SLC2A13: variants seen among roughly 807,000 people sequenced by gnomAD.
The protein encoded by SLC2A13 is solute carrier family 2 member 13.
Under a neutral mutation model 64.4 loss-of-function variants are expected in SLC2A13, and 32 were observed. The ratio of observed to expected loss-of-function variants is 0.50; its 90% CI spans 0.37 to 0.67. The LOEUF is 0.67. Among genes scored for constraint, SLC2A13 ranks in the 30% least tolerant of loss-of-function variants. The pLI, the probability that SLC2A13 is intolerant of heterozygous loss-of-function variation, is 0.00. For synonymous variants in SLC2A13, 338 were observed against 327.1 expected, an observed-to-expected ratio of 1.03 and a Z score of -0.36; for missense variants, 743 against 829.2, an observed-to-expected ratio of 0.90 and a Z score of 1.28.
intron 7 of SLC2A13, among the ~76,000 whole-genome samples, chr12:39,766,983 G>C (rs561206702): frequency 6.6e-6 from 1 of 152,170 alleles, no homozygotes; most frequent in African/African-American, 2.4e-5. Flanking sequence ...CTTCCAAACT[G>C]TTCATTTGGT....
chr12:39,980,952 A>T (rs1946881710), intron 3 of SLC2A13, among the ~76,000 whole-genome samples: 1 of 152,002 alleles, frequency 6.6e-6, no homozygotes, highest in Non-Finnish European at 1.5e-5. Flanking sequence ...AATGTAAAAG[A>T]ACAGAAATTA....
At position 39,879,992 on chromosome 12, in the gene SLC2A13, G is replaced by C. The variant is rs10437958; in HGVS notation, c.1035-8031C>G. Among the ~76,000 whole-genome samples the C allele has an allele frequency of 7.6e-3, 1,156 of 152,272 alleles. 13 individuals are homozygous for C. Among genetic ancestry groups the C allele is most frequent in the African/African-American group, 0.026 (1,097 of 41,540 alleles). ...ATGGTTTGGTCCTGTCTTAATGATA[G>C]TGAGTTCATACAAGACACAGTCATT... is the stretch of plus-strand genomic sequence containing the variant. On this transcript the variant is annotated intron_variant, in intron 4 of 9. Transcript: ENST00000280871.
rs544279139 is a variant in SLC2A13, at chr12:39,839,514, C to T, written c.1320-9286G>A. 3.3e-5 allele frequency among the ~76,000 whole-genome samples: 5 copies of T among 152,158 alleles called. No homozygotes were observed. In the South Asian group the frequency reaches 1.0e-3, roughly 32 times the overall value. ...TTGCTGGTGGTTGTCTCATGGGTAA[C>T]TCGGAGCACTTTTCCAACATACTAT... On this transcript the variant is annotated intron_variant, in intron 6 of 9. Transcript: ENST00000280871.
At chr12:40,070,193 C>G (rs1232293108) in intron 1 of SLC2A13, among the ~76,000 whole-genome samples, 4 of 150,702 alleles carry the variant, frequency 2.7e-5, no homozygotes, top group East Asian at 1.9e-4. Context: ...TGAAGTGTTT[C>G]TGGCAGAGAC....
chr12:39,866,714 C>G (rs1052218709), intron 5 of SLC2A13, among the ~76,000 whole-genome samples: 6 of 152,138 alleles, frequency 3.9e-5, no homozygotes, highest in Non-Finnish European at 8.8e-5. Context: ...CTCCTGACCT[C>G]GTGATCCGCC....
intron 4 of SLC2A13, among the ~76,000 whole-genome samples, chr12:39,927,988 C>A (rs1945756453): frequency 6.6e-6 from 1 of 152,066 alleles, no homozygotes; most frequent in Non-Finnish European, 1.5e-5. Context: ...ATCTATATAA[C>A]TATAAGCTTG....
chr12:40,037,649 A>T (rs1011992094), intron 2 of SLC2A13, among the ~76,000 whole-genome samples: 85 of 151,532 alleles, frequency 5.6e-4, no homozygotes, highest in Non-Finnish European at 1.1e-3. Flanking sequence ...AAAAAAAAAA[A>T]ATTCTATATG....
At chr12:39,785,518 T>C (rs1941153702) in intron 7 of SLC2A13, among the ~76,000 whole-genome samples, 1 of 152,190 alleles carries the variant, frequency 6.6e-6, no homozygotes, top group African/African-American at 2.4e-5. Context: ...AGGGCACTGC[T>C]GAAGGGAAAT....
At chr12:40,005,069 C>T (rs554526217) in intron 3 of SLC2A13, among the ~76,000 whole-genome samples, 1 of 152,194 alleles carries the variant, frequency 6.6e-6, no homozygotes, top group East Asian at 1.9e-4. Flanking sequence ...CTGCCTAACC[C>T]TACCTTATCT....
chr12:39,855,701 C>T (rs896135705), intron 6 of SLC2A13, among the ~76,000 whole-genome samples: 2 of 152,258 alleles, frequency 1.3e-5, no homozygotes, highest in East Asian at 1.9e-4. Context: ...CTATATTCTT[C>T]GATTTCCTAA....
At chr12:39,789,025 A>T in intron 7 of SLC2A13, among the ~76,000 whole-genome samples, 1 of 152,162 alleles carries the variant, frequency 6.6e-6, no homozygotes, top group East Asian at 1.9e-4. Context: ...AAAGTCTGTT[A>T]TACATACAAA....
intron 7 of SLC2A13, among the ~76,000 whole-genome samples, chr12:39,808,642 T>C (rs1474807744): frequency 6.6e-6 from 1 of 152,186 alleles, no homozygotes; most frequent in African/African-American, 2.4e-5. Flanking sequence ...TGCTGTAGCA[T>C]GTCACTATAA....
At chr12:39,797,513 A>C (rs2135777671) in intron 7 of SLC2A13, among the ~76,000 whole-genome samples, 1 of 152,350 alleles carries the variant, frequency 6.6e-6, no homozygotes, top group Non-Finnish European at 1.5e-5. Flanking sequence ...GAGCTAATCC[A>C]ATAACCCATC....
chr12:39,976,390 G>T (rs1166055427), intron 3 of SLC2A13, among the ~76,000 whole-genome samples: 1 of 152,122 alleles, frequency 6.6e-6, no homozygotes, highest in African/African-American at 2.4e-5. Context: ...GTGCCATAAG[G>T]GTTGACTTCA....
At chr12:39,863,598 C>T (rs1344779442) in intron 6 of SLC2A13, among the ~76,000 whole-genome samples, 1 of 152,130 alleles carries the variant, frequency 6.6e-6, no homozygotes, top group Admixed American at 6.5e-5. Flanking sequence ...ATATGCATTT[C>T]TAGCAATTGA....
intron 3 of SLC2A13, among the ~76,000 whole-genome samples, chr12:39,983,464 A>G: frequency 2.0e-5 from 1 of 50,612 alleles, no homozygotes; most frequent in African/African-American, 7.2e-5. Context: ...TCTACAATGA[A>G]CTCAAACAAA....
intron 6 of SLC2A13, among the ~76,000 whole-genome samples, chr12:39,842,963 A>C (rs1943214487): frequency 6.6e-6 from 1 of 152,004 alleles, no homozygotes. Context: ...TTACAGTTAT[A>C]CAATATTCCA....
chr12:39,974,852 C>G (rs916301097), intron 3 of SLC2A13, among the ~76,000 whole-genome samples: 5 of 152,184 alleles, frequency 3.3e-5, no homozygotes, highest in Admixed American at 6.5e-5. Context: ...AAGCCTTTTA[C>G]ATAATTTTTC....
chr12:40,105,564 T>A lies in SLC2A13; in HGVS notation c.245A>T (p.Tyr82Phe). 1 of 1,574,728 alleles carries A rather than the reference T, an allele frequency of 6.4e-7. No homozygotes were observed. The highest frequency in any genetic ancestry group is 8.6e-7 in the Non-Finnish European group (1 of 1,163,244). The change falls in exon 1 of 10, where the codon TAC becomes TTC. Residue 82 changes from tyrosine to phenylalanine, a missense_variant. By Grantham distance (22) the Tyr-to-Phe change is conservative. This residue lies in a region of SLC2A13 where 448 missense variants were observed against 447.4 expected (regional missense o/e 1.00). Coordinates refer to ENST00000280871, the MANE Select transcript of SLC2A13 (RefSeq NM_052885.4). The surrounding 1 kb of genome is among the most constrained non-coding windows in gnomAD (Gnocchi z 4.2). ...CAGCGCGGAGAAGACGGCCACCACG[T>A]ACACGAAGGCGGGGGTCTCGTCCTG... is the stretch of plus-strand genomic sequence containing the variant. Reference protein sequence around the residue: ...FQQDETPAFVYVVAVFSALGG... With the variant: ...FQQDETPAFVFVVAVFSALGG...
Sources: allele counts gnomAD v4.1 joint callset (sites outside exome capture counted in the v4.1 genomes callset), GRCh38; gene constraint gnomAD v4.1.1; regional missense constraint gnomAD v4.1.1; non-coding constraint Gnocchi (gnomAD v3.1); transcripts MANE v1.5; gene names NCBI Gene and HGNC (gene_info 2026-07-23, HGNC 2026-07-21).